NRIP2: variants seen among roughly 807,000 people sequenced by gnomAD.
The protein encoded by NRIP2 is nuclear receptor interacting protein 2.
Under a neutral mutation model 34.1 loss-of-function variants are expected in NRIP2, and 27 were observed. The observed-to-expected ratio is 0.79, with a 90% CI of 0.58 to 1.09. The LOEUF (loss-of-function observed/expected upper bound fraction) is 1.09, where lower values mean the gene tolerates loss of function less well. NRIP2 is among the 50% of genes least tolerant of loss of function. The pLI, the probability that NRIP2 is intolerant of heterozygous loss-of-function variation, is 0.00. For missense variants in NRIP2, 385 were observed against 352.6 expected (o/e 1.09, Z -0.74); for synonymous variants, 145 against 146.9 (o/e 0.99, Z 0.09).
intron 1 of NRIP2, among the ~76,000 whole-genome samples, chr12:2,831,238 T>C (rs945069398): frequency 6.6e-6 from 1 of 151,752 alleles, no homozygotes; most frequent in Non-Finnish European, 1.5e-5. Context: ...GACCTCATCC[T>C]TCAATGGGCT....
intron 1 of NRIP2, among the ~76,000 whole-genome samples, chr12:2,832,438 A>C (rs1417001831): frequency 6.7e-6 from 1 of 149,984 alleles, no homozygotes; most frequent in Non-Finnish European, 1.5e-5. Flanking sequence ...TCTTCCTGAA[A>C]CTCCTCTTCC....
chr12:2,827,732 G>T lies in NRIP2; in HGVS notation c.701-55C>A. The T allele has an allele frequency of 1.2e-6, 2 of 1,612,812 alleles. No homozygotes were observed. The highest frequency in any genetic ancestry group is 1.7e-6 in the Non-Finnish European group (2 of 1,179,866). Reference sequence around the variant, plus strand: ...CTGAGGGTTCCCAGTGGTCACTGCTGCCCTCCTCTTAGCCGTTGCTCCTTC... The same window carrying T: ...CTGAGGGTTCCCAGTGGTCACTGCTTCCCTCCTCTTAGCCGTTGCTCCTTC... On this transcript the variant is annotated intron_variant, in intron 4 of 5. Coordinates refer to ENST00000337508, the MANE Select transcript of NRIP2 (RefSeq NM_031474.3). The surrounding 1 kb of genome is among the most constrained non-coding windows in gnomAD (Gnocchi z 4.0).
At chr12:2,834,466 T>C (rs2153926520) in intron 1 of NRIP2, among the ~76,000 whole-genome samples, 176 bp downstream of exon 1, 1 of 152,232 alleles carries the variant, frequency 6.6e-6, no homozygotes, top group East Asian at 1.9e-4. Flanking sequence ...CACCAAACCA[T>C]GGGAACATCC....
At chr12:2,834,560 T>C (rs2098018823) in intron 1 of NRIP2, 82 bp downstream of exon 1, 2 of 1,506,942 alleles carry the variant, frequency 1.3e-6, no homozygotes, top group East Asian at 2.3e-5. Context: ...GTCTGCACTT[T>C]CTGGTCCTGC....
At chr12:2,828,302 C>G in intron 3 of NRIP2, 30 bp downstream of exon 3, 1 of 1,594,136 alleles carries the variant, frequency 6.3e-7, no homozygotes, top group Non-Finnish European at 8.6e-7. Context: ...AACCCTGTCC[C>G]CCACTTGCTT....
rs745463619 is a variant in NRIP2 at position 2,834,801 on chromosome 12, C to A, written c.183G>T (p.Glu61Asp). ...MSTKQEARRD[E>D]GEARTRGQEA... ...CCTGCCCCCTCGTCCTGGCTTCTCC[C>A]TCATCTCTCCTGGCCTCCTGCTTGG... The change falls in exon 1 of 6, where the codon GAG becomes GAT. Residue 61 changes from glutamate (E) to aspartate (D), a missense_variant. Coordinates refer to ENST00000337508, the MANE Select transcript of NRIP2 (RefSeq NM_031474.3). 1 of 1,613,570 alleles carries A rather than the reference C, an allele frequency of 6.2e-7. No individual in the cohort carries two copies. The highest frequency in any genetic ancestry group is 1.3e-5 in the African/African-American group (1 of 74,766).
rs768310621 is a variant in NRIP2 at position 2,828,011 on chromosome 12, G to A, written c.615C>T (p.Asp205=). 1.7e-5 allele frequency: 28 copies of A among 1,614,064 alleles called. No individual in the cohort carries two copies. In the Admixed American group the frequency reaches 2.5e-4, roughly 14 times the overall value. The change falls in exon 4 of 6, where the codon GAC becomes GAT. Residue 205 remains aspartate, a synonymous_variant. Coordinates refer to ENST00000337508, the MANE Select transcript of NRIP2 (RefSeq NM_031474.3). The part of the protein sequence containing the change: ...EKRVLKASAG[D]LAPGPPTQVE... Reference sequence around the variant, plus strand: ...CCTGGGTTGGGGGCCCAGGGGCCAGGTCCCCAGCTGAGGCTTTTAGGACCC... The same window carrying A: ...CCTGGGTTGGGGGCCCAGGGGCCAGATCCCCAGCTGAGGCTTTTAGGACCC...
At chr12:2,828,542 A>G in intron 2 of NRIP2, 128 bp from the exon 3 acceptor site, 1 of 787,742 alleles carries the variant, frequency 1.3e-6, no homozygotes, top group Non-Finnish European at 2.1e-6. Flanking sequence ...CTGTCTTTAA[A>G]ACTGGCTTTT....
Position 2,828,028 on chromosome 12 carries a change from T to G in NRIP2, c.598A>C (p.Lys200Gln). ...GGGGCCAGGTCCCCAGCTGAGGCTTTTAGGACCCTTTTCTCTAACCTGTGG... is the reference window on the plus strand; with the variant it reads ...GGGGCCAGGTCCCCAGCTGAGGCTTGTAGGACCCTTTTCTCTAACCTGTGG... ...SRLGLEKRVLKASAGDLAPGP... is the reference protein window; with the variant it reads ...SRLGLEKRVLQASAGDLAPGP... The change falls in exon 4 of 6, where the codon AAA becomes CAA. Residue 200 changes from lysine to glutamine, a missense_variant. Physicochemically the swap from Lys to Gln is moderately conservative, Grantham distance 53. Transcript: ENST00000337508. The G allele has an allele frequency of 6.2e-7, 1 of 1,613,958 alleles. No homozygotes were observed. Among genetic ancestry groups the G allele is most frequent in the Non-Finnish European group, 8.5e-7 (1 of 1,179,950 alleles).
intron 1 of NRIP2, among the ~76,000 whole-genome samples, chr12:2,832,286 C>G (rs985110789): frequency 6.6e-6 from 1 of 152,058 alleles, no homozygotes; most frequent in Non-Finnish European, 1.5e-5. Flanking sequence ...CATGATAGAG[C>G]TCAAGCTTTT....
chr12:2,827,670 C>CT lies in NRIP2; in HGVS notation c.707dup (p.Ser237GlufsTer3). On this transcript the variant is annotated frameshift_variant, in exon 5 of 6. Transcript: ENST00000337508. LOFTEE classifies it high-confidence loss of function. The surrounding 1 kb of genome is among the most constrained non-coding windows in gnomAD (Gnocchi z 4.0). ...GCAGGCCCAGGCAGAATTCAGGACT[C>CT]TCAGCATCTATAGGAACAATTTGAA... 6.2e-7 allele frequency: 1 copy of CT among 1,614,146 alleles called. No homozygotes were observed. The highest frequency in any genetic ancestry group is 2.2e-5 in the East Asian group (1 of 44,878).
rs1394534533 is a variant in NRIP2, at chr12:2,827,252, G to T, written c.801C>A (p.Phe267Leu). ...ACAAAGGCAGGAAGGGTAGCTCTGA[G>T]AACGGGGCTTTCAGCCGCAGCACTC... ...EHGVLRLKAP[F>L]SELPFLPLYQ... Residue 267 changes from phenylalanine to leucine, a missense_variant, in exon 6 of 6, where the codon TTC (phenylalanine) becomes TTA (leucine). Coordinates refer to ENST00000337508, the MANE Select transcript of NRIP2 (RefSeq NM_031474.3). This position sits in a 1 kb window ranked among gnomAD's most constrained non-coding sequence, Gnocchi z 4.0. The T allele has an allele frequency of 6.2e-7, 1 of 1,614,008 alleles. No homozygotes were observed. The highest frequency in any genetic ancestry group is 1.3e-5 in the African/African-American group (1 of 74,954).
intron 3 of NRIP2, 44 bp from the exon 4 acceptor site, chr12:2,828,091 G>T: frequency 6.5e-7 from 1 of 1,547,224 alleles, no homozygotes; most frequent in Non-Finnish European, 8.9e-7. Flanking sequence ...AGCCCCTAGA[G>T]GGTTCCACCC....
Position 2,834,990 on chromosome 12 carries a change from G to GA in NRIP2, c.-8_-7insT. On this transcript the variant is annotated 5_prime_UTR_variant, in exon 1 of 6. Transcript: ENST00000337508. ...GAGGAAAAATAAATAACATGCAGGA[G>GA]CAGCCGCGTCAGTCTCCAATTTCCC... is the stretch of plus-strand genomic sequence containing the variant. 6.4e-7 allele frequency: 1 copy of GA among 1,552,836 alleles called. No individual in the cohort carries two copies. The highest frequency in any genetic ancestry group is 8.7e-7 in the Non-Finnish European group (1 of 1,151,290).
chr12:2,827,764 C>T lies in NRIP2; in HGVS notation c.701-87G>A. On this transcript the variant is annotated intron_variant, in intron 4 of 5. Transcript: ENST00000337508. This position sits in a 1 kb window ranked among gnomAD's most constrained non-coding sequence, Gnocchi z 4.0. ...TCTTAGCCGTTGCTCCTTCTCTGCC[C>T]ACCCCATCCCCAGATCCGAGGACAC... The T allele has an allele frequency of 6.2e-7, 1 of 1,609,440 alleles. No individual in the cohort carries two copies. The highest frequency in any genetic ancestry group is 1.1e-5 in the South Asian group (1 of 90,626).
At chr12:2,830,551 G>T in intron 2 of NRIP2, 157 bp downstream of exon 2, 1 of 691,674 alleles carries the variant, frequency 1.4e-6, no homozygotes, top group Non-Finnish European at 2.4e-6. Flanking sequence ...GGGGCAGGGA[G>T]GAAGGAGGTA....
chr12:2,834,876 C>T lies in NRIP2; in HGVS notation c.108G>A (p.Thr36=), dbSNP rs564747710. The change falls in exon 1 of 6, where the codon ACG becomes ACA. Residue 36 remains threonine (T), a synonymous_variant. Transcript: ENST00000337508. ...QAGRSREDSV[T]PPPSSPWPTP... ...TGGGCCAGGGGCTGCTCGGTGGGGG[C>T]GTCACCGAGTCCTCTCTGCTTCTTC... The T allele has an allele frequency of 6.2e-6, 10 of 1,613,604 alleles. No homozygotes were observed. Among genetic ancestry groups the T allele is most frequent in the Admixed American group, 5.0e-5 (3 of 59,952 alleles).
chr12:2,833,053 A>T (rs2098011487), intron 1 of NRIP2, among the ~76,000 whole-genome samples: 1 of 151,820 alleles, frequency 6.6e-6, no homozygotes, highest in South Asian at 2.1e-4. Flanking sequence ...CATCCCAGGG[A>T]GGGAGACGAT....
intron 1 of NRIP2, among the ~76,000 whole-genome samples, chr12:2,831,642 G>T (rs762342837): frequency 2.0e-5 from 3 of 151,696 alleles, no homozygotes; most frequent in Non-Finnish European, 2.9e-5. Context: ...AGTCATCTTT[G>T]ACCTGTCCCT....
Sources: allele counts gnomAD v4.1 joint callset (sites outside exome capture counted in the v4.1 genomes callset), GRCh38; gene constraint gnomAD v4.1.1; non-coding constraint Gnocchi (gnomAD v3.1); transcripts MANE v1.5; gene names NCBI Gene and HGNC (gene_info 2026-07-23, HGNC 2026-07-21).